TMPRSS9: variants seen among roughly 807,000 people sequenced by gnomAD.
The protein encoded by TMPRSS9 is transmembrane protease serine 9.
TMPRSS9 carries 113 observed loss-of-function variants against 111.4 expected under a neutral mutation model. That is an observed-to-expected ratio of 1.01 (90% CI 0.87 to 1.19). The LOEUF (loss-of-function observed/expected upper bound fraction) is 1.19. Ranked by LOEUF, TMPRSS9 falls within the 50% of genes most tolerant of loss-of-function variation. The pLI is 0.00. For synonymous variants in TMPRSS9, 805 were observed against 659.1 expected, an observed-to-expected ratio of 1.22 and a Z score of -3.39; for missense variants, 1,803 against 1,513.1, an observed-to-expected ratio of 1.19 and a Z score of -3.18.
chr19:2,413,641 C>G (rs1971146259), intron 9 of TMPRSS9, 59 bp from the exon 11 acceptor site: 6 of 1,539,786 alleles, frequency 3.9e-6, no homozygotes, highest in Non-Finnish European at 5.3e-6. Flanking sequence ...GGCCTCGTAG[C>G]ACTGGTGTCT....
chr19:2,405,090 G>C (rs1970940449), intron 6 of TMPRSS9, among the ~76,000 whole-genome samples: 1 of 152,002 alleles, frequency 6.6e-6, no homozygotes, highest in Admixed American at 6.6e-5. Flanking sequence ...CATGTACGTG[G>C]GGTCATCGCC....
chr19:2,415,207 A>G (rs1971199089), intron 10 of TMPRSS9, among the ~76,000 whole-genome samples: 1 of 151,974 alleles, frequency 6.6e-6, no homozygotes, highest in Non-Finnish European at 1.5e-5. Flanking sequence ...GGCCTCCCAA[A>G]GTGCTGGGAT....
intron 8 of TMPRSS9, among the ~76,000 whole-genome samples, chr19:2,409,894 C>T (rs1464728826): frequency 6.6e-6 from 1 of 151,870 alleles, no homozygotes; most frequent in Non-Finnish European, 1.5e-5. Flanking sequence ...GAGACAGGGG[C>T]TGATTCTGTG....
At chr19:2,424,327 A>C (rs1430057881) in intron 15 of TMPRSS9, 70 bp downstream of exon 16, 2 of 1,273,886 alleles carry the variant, frequency 1.6e-6, no homozygotes, top group Non-Finnish European at 2.0e-6. Context: ...TGTTGCCCGA[A>C]AACGCACCCT....
At chr19:2,380,879 C>G (rs1970380352) in intron 1 of TMPRSS9, among the ~76,000 whole-genome samples, 2 of 152,160 alleles carry the variant, frequency 1.3e-5, no homozygotes, top group Admixed American at 1.3e-4. Flanking sequence ...GATACTTTAT[C>G]CCTGCCATGT....
intron 14 of TMPRSS9, 89 bp from the exon 16 acceptor site, chr19:2,424,000 G>C (rs912687460): frequency 1.5e-5 from 18 of 1,230,060 alleles, no homozygotes; most frequent in Non-Finnish European, 1.6e-5. Flanking sequence ...GGGGCTCCCA[G>C]GGGGATTCGT....
chr19:2,418,305 CTTT>C (rs1971313839), intron 13 of TMPRSS9, among the ~76,000 whole-genome samples, 167 bp downstream of exon 14: 1 of 65,026 alleles, frequency 1.5e-5, no homozygotes, highest in South Asian at 5.2e-4. Flanking sequence ...CCTTCCCTCC[CTTT>C]CCCTCCCTCC....
At chr19:2,386,469 G>C (rs1443912716), upstream of TMPRSS9, among the ~76,000 whole-genome samples, 43 of 148,716 alleles carry the variant, frequency 2.9e-4, no homozygotes, top group Middle Eastern at 7.0e-3. Context: ...CGCGCCACTG[G>C]ACTCCAGCCT....
intron 1 of TMPRSS9, among the ~76,000 whole-genome samples, chr19:2,394,024 A>C (rs2145295277): frequency 6.6e-6 from 1 of 152,154 alleles, no homozygotes; most frequent in East Asian, 1.9e-4. Flanking sequence ...AACATGATGA[A>C]ACCCCGTCTC....
chr19:2,410,918 G>T (rs1971081409), intron 9 of TMPRSS9, among the ~76,000 whole-genome samples: 1 of 152,100 alleles, frequency 6.6e-6, no homozygotes, highest in Non-Finnish European at 1.5e-5. Flanking sequence ...CTCTCCGTCT[G>T]TATGGGAAGG....
intron 7 of TMPRSS9, among the ~76,000 whole-genome samples, chr19:2,407,610 T>TTTC (rs1330094449): frequency 3.1e-5 from 2 of 64,896 alleles, no homozygotes; most frequent in African/African-American, 4.2e-5. Flanking sequence ...TTTCTTTTCT[T>TTTC]TTTTTTTTTT....
At chr19:2,416,646 C>T (rs1971240326) in exon 12 of TMPRSS9, 1 of 1,613,028 alleles carries the variant, frequency 6.2e-7, no homozygotes, top group East Asian at 2.2e-5. Flanking sequence ...ACCCCCTCTA[C>T]AACCCTGGCA....
intron 1 of TMPRSS9, among the ~76,000 whole-genome samples, chr19:2,375,787 G>C (rs1970328834): frequency 6.6e-6 from 1 of 152,126 alleles, no homozygotes; most frequent in Non-Finnish European, 1.5e-5. Context: ...ATGCTGGGCA[G>C]ACAAAAAACA....
At position 2,425,182 on chromosome 19, in the gene TMPRSS9, TCCCA is replaced by T; in HGVS notation, c.2899_2902del (p.Pro967SerfsTer91). The T allele has an allele frequency of 1.3e-6, 2 of 1,549,772 alleles. No homozygotes were observed. Among genetic ancestry groups the T allele is most frequent in the Non-Finnish European group, 8.7e-7 (1 of 1,155,192 alleles). ...CGGTGCGTCGCAGCCGCCTGGTGCG[TCCCA>T]TCTGCCTGCCCGAGCCCGCGCCGCG... is the stretch of plus-strand genomic sequence containing the variant. On this transcript the variant is annotated frameshift_variant, in exon 16 of 18. Coordinates refer to ENST00000648592, the Ensembl canonical transcript of TMPRSS9. LOFTEE classifies it high-confidence loss of function.
At chr19:2,405,525 T>C in exon 7 of TMPRSS9, 1 of 1,584,106 alleles carries the variant, frequency 6.3e-7, no homozygotes, top group Non-Finnish European at 8.6e-7. Flanking sequence ...GGCTGGTGTC[T>C]GCTGCTCACT....
At chr19:2,368,781 T>G (rs187959259) in intron 1 of TMPRSS9, among the ~76,000 whole-genome samples, 4,579 of 110,934 alleles carry the variant, frequency 0.041, 422 homozygotes, top group African/African-American at 0.17. Flanking sequence ...CCAGTTTTTT[T>G]TTTTTTTTTT....
chr19:2,372,120 G>A (rs2145247839), intron 1 of TMPRSS9, among the ~76,000 whole-genome samples: 1 of 152,246 alleles, frequency 6.6e-6, no homozygotes, highest in East Asian at 1.9e-4. Flanking sequence ...ACCTCCCAAA[G>A]TCTGGGATTA....
At chr19:2,417,902 T>C in intron 12 of TMPRSS9, 100 bp from the exon 14 acceptor site, 1 of 1,469,956 alleles carries the variant, frequency 6.8e-7, no homozygotes, top group Non-Finnish European at 9.3e-7. Context: ...TCTTCGTCTG[T>C]GGGGTGGGGA....
intron 4 of TMPRSS9, among the ~76,000 whole-genome samples, chr19:2,401,700 C>G (rs547138842): frequency 1.3e-5 from 2 of 150,420 alleles, no homozygotes; most frequent in Non-Finnish European, 3.0e-5. Context: ...CTCTGCCTCC[C>G]GGGTTCAAGC....
Sources: allele counts gnomAD v4.1 joint callset (sites outside exome capture counted in the v4.1 genomes callset), GRCh38; gene constraint gnomAD v4.1.1; transcripts MANE v1.5; gene names NCBI Gene and HGNC (gene_info 2026-07-23, HGNC 2026-07-21).